SPOCK1: variants seen among roughly 807,000 people sequenced by gnomAD.
SPOCK1 encodes the protein SPARC (osteonectin), cwcv and kazal like domains proteoglycan 1.
SPOCK1 carries 23 observed loss-of-function variants against 55.3 expected under a neutral mutation model. The observed-to-expected ratio is 0.42, with a 90% CI of 0.30 to 0.59. The LOEUF (loss-of-function observed/expected upper bound fraction) is 0.59, where lower values mean the gene tolerates loss of function less well. SPOCK1 is among the 20% of genes least tolerant of loss of function. The probability of loss-of-function intolerance (pLI) is 0.22; values close to 1 mark genes in which losing one functional copy is unlikely to be tolerated. For missense variants in SPOCK1, 499 were observed against 552.5 expected (o/e 0.90, Z 0.97); for synonymous variants, 226 against 221.0 (o/e 1.02, Z -0.20).
chr5:137,226,792 T>A (rs1490530188), intron 3 of SPOCK1, among the ~76,000 whole-genome samples: 1 of 152,238 alleles, frequency 6.6e-6, no homozygotes, highest in East Asian at 1.9e-4. Flanking sequence ...CCAGTTTAAG[T>A]ATAACTACCG....
intron 2 of SPOCK1, among the ~76,000 whole-genome samples, chr5:137,484,834 A>C (rs536346411): frequency 1.3e-5 from 2 of 152,180 alleles, no homozygotes; most frequent in Non-Finnish European, 2.9e-5. Flanking sequence ...TAGCATATAC[A>C]CTCACTGGAT....
chr5:137,165,553 C>A (rs1052150780), intron 3 of SPOCK1, among the ~76,000 whole-genome samples: 6 of 152,114 alleles, frequency 3.9e-5, no homozygotes, highest in Non-Finnish European at 7.4e-5. Context: ...AAAACACGAC[C>A]TTACCAAATG....
chr5:137,087,926 C>T lies in SPOCK1; in HGVS notation c.475-20097G>A, dbSNP rs138224080. Among the ~76,000 whole-genome samples the T allele has an allele frequency of 7.3e-4, 111 of 152,322 alleles. 1 individual carries two copies. In the East Asian group the frequency reaches 0.011, roughly 15 times the overall value. ...CAGGATTTCTGCAACAAAGAGCTGA[C>T]GACACTACATGCTTTCTCTAAGCCT... is the stretch of plus-strand genomic sequence containing the variant. On this transcript the variant is annotated intron_variant, in intron 5 of 10. Transcript: ENST00000394945.
intron 2 of SPOCK1, among the ~76,000 whole-genome samples, chr5:137,416,836 T>C (rs1320086898): frequency 6.6e-6 from 1 of 152,136 alleles, no homozygotes; most frequent in African/African-American, 2.4e-5. Flanking sequence ...TGATTTTAAT[T>C]TGCATTTCCA....
At chr5:137,245,358 A>G (rs1756374163) in intron 3 of SPOCK1, among the ~76,000 whole-genome samples, 2 of 152,240 alleles carry the variant, frequency 1.3e-5, no homozygotes, top group African/African-American at 4.8e-5. Context: ...GTATCTTTCT[A>G]TGACTTTCTG....
rs149163812 is a variant in SPOCK1 at position 137,281,469 on chromosome 5, C to T, written c.187-14414G>A. Among the ~76,000 whole-genome samples, 64 of 152,328 alleles carry T rather than the reference C, an allele frequency of 4.2e-4. No homozygotes were observed. The East Asian group carries it at 0.011, about 27-fold the overall frequency. ...CTGTTTCTGGGATGGCAAATAGTGT[C>T]ACCCATTCATTTATTTCTTTTGTCC... On this transcript the variant is annotated intron_variant, in intron 2 of 10. Transcript: ENST00000394945.
Position 137,292,426 on chromosome 5 carries a change from TAAAAAAAAAAAAAAAAAAAAAAAAAAAA to T in SPOCK1, c.187-25399_187-25372del, listed in dbSNP as rs753574851. ...TATGCTGTCCATTCACTGGTGTAGTTAAAAAAAAAAAAAAAAAAAAAAAAAAAAAAAAAAAAAAAAAAAAAGTTGGAGG... is the reference window on the plus strand; with the variant it reads ...TATGCTGTCCATTCACTGGTGTAGTTAAAAAAAAAAAAAAAAAGTTGGAGG... On this transcript the variant is annotated intron_variant, in intron 2 of 10. Coordinates refer to ENST00000394945, the MANE Select transcript of SPOCK1 (RefSeq NM_004598.4). 4.3e-3 allele frequency among the ~76,000 whole-genome samples: 165 copies of T among 38,014 alleles called. 5 individuals are homozygous for T. Among genetic ancestry groups the T allele is most frequent in the South Asian group, 6.0e-3 (3 of 500 alleles). 24.9% of individuals were successfully genotyped at this position (38,014 alleles called of 152,430 possible). A position where few individuals can be genotyped will look rare whatever the true frequency, so the allele number is the denominator to read the frequency against.
At chr5:137,126,686 C>T (rs1318960470) in intron 4 of SPOCK1, among the ~76,000 whole-genome samples, 1 of 152,132 alleles carries the variant, frequency 6.6e-6, no homozygotes, top group African/African-American at 2.4e-5. Context: ...CACTTGAACC[C>T]AGGAGGCGGA....
intron 3 of SPOCK1, among the ~76,000 whole-genome samples, chr5:137,167,048 T>C (rs1312923957): frequency 1.3e-5 from 2 of 151,818 alleles, no homozygotes; most frequent in African/African-American, 4.8e-5. Flanking sequence ...AAAAAAACAC[T>C]GAAAGATCTG....
At chr5:137,239,726 GT>G in intron 3 of SPOCK1, among the ~76,000 whole-genome samples, 1 of 152,148 alleles carries the variant, frequency 6.6e-6, no homozygotes, top group East Asian at 1.9e-4. Flanking sequence ...TAGAGAAAAA[GT>G]TTTTCCCTTT....
intron 2 of SPOCK1, among the ~76,000 whole-genome samples, chr5:137,423,767 C>G (rs1180696743): frequency 6.6e-6 from 1 of 152,232 alleles, no homozygotes; most frequent in Admixed American, 6.5e-5. Context: ...TCAGCTCATG[C>G]TCGGTGTGCT....
intron 3 of SPOCK1, among the ~76,000 whole-genome samples, chr5:137,162,847 A>G (rs1437691127): frequency 6.6e-6 from 1 of 152,216 alleles, no homozygotes; most frequent in Non-Finnish European, 1.5e-5. Flanking sequence ...GAGGACAGGA[A>G]ACTGAGACAT....
chr5:137,483,382 CT>C (rs1189210819), intron 2 of SPOCK1, among the ~76,000 whole-genome samples: 1 of 152,148 alleles, frequency 6.6e-6, no homozygotes, highest in Admixed American at 6.5e-5. Context: ...TTAGCCCTCC[CT>C]TCTCTTGGCT....
At chr5:137,374,562 G>A (rs1462915678) in intron 2 of SPOCK1, among the ~76,000 whole-genome samples, 3 of 152,164 alleles carry the variant, frequency 2.0e-5, no homozygotes, top group Non-Finnish European at 4.4e-5. Context: ...GGACTGGAGG[G>A]ACAGTGAGGG....
chr5:137,122,128 G>A (rs1483968369), intron 4 of SPOCK1, among the ~76,000 whole-genome samples: 2 of 151,852 alleles, frequency 1.3e-5, no homozygotes, highest in Non-Finnish European at 2.9e-5. Context: ...GAGTGACAGA[G>A]CACACCCAGT....
chr5:137,288,873 G>A (rs952211719), intron 2 of SPOCK1, among the ~76,000 whole-genome samples: 24 of 152,204 alleles, frequency 1.6e-4, no homozygotes, highest in Non-Finnish European at 3.2e-4. Context: ...GAGAACTGGG[G>A]AAGGAAAAGC....
At chr5:137,327,848 T>C (rs951562506) in intron 2 of SPOCK1, among the ~76,000 whole-genome samples, 2 of 152,014 alleles carry the variant, frequency 1.3e-5, no homozygotes, top group African/African-American at 4.8e-5. Flanking sequence ...TGTTCTAGAG[T>C]GGGCCTTCCT....
intron 2 of SPOCK1, among the ~76,000 whole-genome samples, chr5:137,372,899 G>A (rs1751230853): frequency 6.6e-6 from 1 of 152,230 alleles, no homozygotes; most frequent in Non-Finnish European, 1.5e-5. Context: ...TGATAGCAGA[G>A]AGGAACTCTT....
At chr5:137,001,730 A>C (rs185145350) in intron 6 of SPOCK1, among the ~76,000 whole-genome samples, 123 of 152,300 alleles carry the variant, frequency 8.1e-4, no homozygotes, top group African/African-American at 2.7e-3. Context: ...TTTGCTTTCA[A>C]ATACTGACAG....
Sources: gnomAD v4.1 joint callset for allele counts (sites outside exome capture counted in the v4.1 genomes callset) on GRCh38, gnomAD v4.1.1 for gene constraint, MANE v1.5 for transcripts, NCBI Gene and HGNC (gene_info 2026-07-23, HGNC 2026-07-21) for gene names.